SQSTM1: variants seen among roughly 807,000 people sequenced by gnomAD.
The protein encoded by SQSTM1 is sequestosome-1.
In SQSTM1, 36 loss-of-function variants were observed where a neutral mutation model predicts 45.1. That is an observed-to-expected ratio of 0.80 (90% CI 0.61 to 1.05). SQSTM1 has a LOEUF of 1.05. Among genes scored for constraint, SQSTM1 ranks in the 50% least tolerant of loss-of-function variants. SQSTM1 has a pLI of 0.00. For synonymous variants in SQSTM1, 290 were observed against 244.3 expected (o/e 1.19, Z -1.74); for missense variants, 617 against 607.1 (o/e 1.02, Z -0.17).
rs1758623010 is a variant in SQSTM1, at chr5:179,837,315, T to C, written c.*722T>C. ...TTTATTGTTAATGGTTCTTACAGAGTATCTTTAAAAGTGCCTTAGGGGAAC... is the reference window on the plus strand; with the variant it reads ...TTTATTGTTAATGGTTCTTACAGAGCATCTTTAAAAGTGCCTTAGGGGAAC... On this transcript the variant is annotated 3_prime_UTR_variant, in exon 8 of 8. Transcript: ENST00000389805. 28 of 1,596,476 alleles carry C rather than the reference T, an allele frequency of 1.8e-5. No individual in the cohort carries two copies. Among genetic ancestry groups the C allele is most frequent in the Non-Finnish European group, 2.4e-5 (28 of 1,171,442 alleles).
At chr5:179,821,946 T>TA (rs79376917) in intron 1 of SQSTM1, among the ~76,000 whole-genome samples, 3,017 of 147,868 alleles carry the variant, frequency 0.02, 92 homozygotes, top group African/African-American at 0.068. Flanking sequence ...CTCCTATTCT[T>TA]AAAAAAAAAA....
At chr5:179,829,042 G>T (rs563348881) in intron 5 of SQSTM1, among the ~76,000 whole-genome samples, 58 of 152,284 alleles carry the variant, frequency 3.8e-4, no homozygotes, top group African/African-American at 1.3e-3. Flanking sequence ...AGGGGGGAGG[G>T]TTGAAAACCT....
At chr5:179,823,697 G>T in intron 2 of SQSTM1, 161 bp from the exon 3 acceptor site, 3 of 713,030 alleles carry the variant, frequency 4.2e-6, no homozygotes, top group Non-Finnish European at 7.0e-6. Context: ...GCAGGTTCTT[G>T]GTGGCTCTGC....
rs748939282 is a variant in SQSTM1 at position 179,824,060 on chromosome 5, C to T, written c.504C>T (p.Phe168=). 1 of 1,613,946 alleles carries T rather than the reference C, an allele frequency of 6.2e-7. No individual in the cohort carries two copies. The highest frequency in any genetic ancestry group is 8.5e-7 in the Non-Finnish European group (1 of 1,180,040). ...ACCGGGGGCACACCAAGCTCGCATTCCCCAGCCCCTTCGGGCACCTGTCTG... is the reference window on the plus strand; with the variant it reads ...ACCGGGGGCACACCAAGCTCGCATTTCCCAGCCCCTTCGGGCACCTGTCTG... ...GLHRGHTKLA[F]PSPFGHLSEG... is the part of the protein sequence containing the mutation. Residue 168 remains phenylalanine, a synonymous_variant, in exon 3 of 8, where the codon TTC becomes TTT. Transcript: ENST00000389805.
rs373148815 is a variant in SQSTM1 at position 179,836,631 on chromosome 5, T to C, written c.*38T>C. ...ACCTCTTCTGCGTGCCCCTCTTCTG[T>C]CTCATAGTTGTGTTAAGCTTGCGTA... On this transcript the variant is annotated 3_prime_UTR_variant, in exon 8 of 8. Coordinates refer to ENST00000389805, the MANE Select transcript of SQSTM1 (RefSeq NM_003900.5). 8.1e-6 allele frequency: 13 copies of C among 1,613,886 alleles called. No homozygotes were observed. The highest frequency in any genetic ancestry group is 1.1e-5 in the Non-Finnish European group (13 of 1,179,902).
Position 179,806,616 on chromosome 5 carries a change from C to T in SQSTM1, c.-157+25C>T, listed in dbSNP as rs1757172497. 2 of 1,181,212 alleles carry T rather than the reference C, an allele frequency of 1.7e-6. No homozygotes were observed. The highest frequency in any genetic ancestry group is 1.6e-5 in the African/African-American group (1 of 61,006). The allele number at this position is 1,181,212 out of a possible 1,614,324, so 73.2% of individuals were successfully genotyped here. A position where few individuals can be genotyped will look rare whatever the true frequency, so the allele number is the denominator to read the frequency against. On this transcript the variant is annotated intron_variant, in intron 1 of 5. Coordinates refer to the SQSTM1 transcript ENST00000514093. The surrounding 1 kb of genome is among the most constrained non-coding windows in gnomAD (Gnocchi z 4.6). ...GGTGCGCGGCGGGCGCCCGCGGGGC[C>T]GAGGCTGCATGGCCCGGGGGACCGG...
intron 1 of SQSTM1, 60 bp downstream of exon 1, chr5:179,821,201 G>A: frequency 1.5e-6 from 2 of 1,305,880 alleles, no homozygotes; most frequent in Non-Finnish European, 2.0e-6. Flanking sequence ...CTCCTGCCGC[G>A]GGGTGGCTGC....
chr5:179,813,910 A>C (rs10516140), upstream of SQSTM1, among the ~76,000 whole-genome samples: 115,958 of 152,110 alleles, frequency 0.76, 45,229 homozygotes, highest in Non-Finnish European at 0.84. Flanking sequence ...CTAGCATATT[A>C]TCTTTCCTAG....
chr5:179,807,522 A>C (rs4700842), intron 1 of SQSTM1: 130,062 of 152,338 alleles, frequency 0.85, 55,603 homozygotes, highest in African/African-American at 0.87. Flanking sequence ...GCGGCCCGAG[A>C]GCGCCGCTAA....
chr5:179,837,525 A>T lies in SQSTM1; in HGVS notation c.*932A>T. ...CTTGCGTCCCATGAGGTCTTCCCGC[A>T]AGGCCTCTCAGACCCAGATGTGACG... On this transcript the variant is annotated 3_prime_UTR_variant, in exon 8 of 8. Transcript: ENST00000389805. 6.2e-7 allele frequency: 1 copy of T among 1,614,174 alleles called. No homozygotes were observed. Among genetic ancestry groups the T allele is most frequent in the Non-Finnish European group, 8.5e-7 (1 of 1,180,004 alleles).
chr5:179,819,641 C>T (rs992301683), upstream of SQSTM1, among the ~76,000 whole-genome samples: 7 of 152,224 alleles, frequency 4.6e-5, no homozygotes, highest in African/African-American at 1.7e-4. Context: ...CCAGCACGCC[C>T]CTCTGTGTCC....
At chr5:179,834,155 G>GA (rs927412894) in intron 7 of SQSTM1, among the ~76,000 whole-genome samples, 5 of 89,890 alleles carry the variant, frequency 5.6e-5, no homozygotes, top group East Asian at 7.5e-4. Flanking sequence ...GCTGGTCTGA[G>GA]AGGGGGGGGG....
intron 1 of SQSTM1, chr5:179,807,836 A>G (rs1757247568): frequency 6.6e-6 from 1 of 152,222 alleles, no homozygotes; most frequent in African/African-American, 2.4e-5. Context: ...TATTTTTAGT[A>G]GACACGAGGT....
intron 1 of SQSTM1, chr5:179,821,615 G>A: frequency 2.3e-6 from 1 of 437,468 alleles, no homozygotes; most frequent in Non-Finnish European, 4.6e-6. Context: ...GGAGTGACGC[G>A]GGTAAACAAG....
At chr5:179,835,331 A>AG (rs1267723759) in intron 7 of SQSTM1, 3 of 177,842 alleles carry the variant, frequency 1.7e-5, no homozygotes, top group African/African-American at 7.2e-5. Context: ...AGGCTAAGGC[A>AG]GGCAGCTGGG....
chr5:179,824,102 T>TG lies in SQSTM1; in HGVS notation c.531+16dup. 2 of 1,613,734 alleles carry TG rather than the reference T, an allele frequency of 1.2e-6. No individual in the cohort carries two copies. Among genetic ancestry groups the TG allele is most frequent in the South Asian group, 2.2e-5 (2 of 91,082 alleles). The stretch of plus-strand genomic sequence containing the variant: ...ACCTGTCTGAGGTGAGCAGGCCCTC[T>TG]GTGCAGGCCTGGGGTGGGCTCAGGG... On this transcript the variant is annotated intron_variant, in intron 3 of 7. Transcript: ENST00000389805.
intron 7 of SQSTM1, 123 bp downstream of exon 7, chr5:179,833,905 G>A (rs576634068): frequency 8.9e-7 from 1 of 1,118,234 alleles, no homozygotes; most frequent in Non-Finnish European, 1.3e-6. Flanking sequence ...CTGTCTGTAG[G>A]TGTGGGAGGT....
intron 7 of SQSTM1, chr5:179,836,232 G>T: frequency 1.5e-6 from 1 of 658,614 alleles, no homozygotes; most frequent in Non-Finnish European, 2.7e-6. Context: ...TGGTGTCGCA[G>T]TGGCAGAGTT....
intron 1 of SQSTM1, among the ~76,000 whole-genome samples, chr5:179,811,332 G>GTTC (rs1757391390): frequency 7.1e-6 from 1 of 140,696 alleles, no homozygotes; most frequent in South Asian, 2.4e-4. Flanking sequence ...GAGCTTTGCA[G>GTTC]GGGGAGGAGC....
Sources: allele counts gnomAD v4.1 joint callset (sites outside exome capture counted in the v4.1 genomes callset), GRCh38; gene constraint gnomAD v4.1.1; non-coding constraint Gnocchi (gnomAD v3.1); transcripts MANE v1.5; gene names NCBI Gene and HGNC (gene_info 2026-07-23, HGNC 2026-07-21).